The following NAALADL2 variants were observed in gnomAD, a reference collection of about 807,000 sequenced individuals.
NAALADL2 encodes inactive N-acetylated-alpha-linked acidic dipeptidase-like protein 2.
NAALADL2 carries 76 observed loss-of-function variants against 87.2 expected under a neutral mutation model. The ratio of observed to expected loss-of-function variants is 0.87; its 90% CI spans 0.72 to 1.05. The LOEUF (loss-of-function observed/expected upper bound fraction) is 1.05, where lower values mean the gene tolerates loss of function less well. Among genes scored for constraint, NAALADL2 ranks in the 50% least tolerant of loss-of-function variants. The pLI is 0.00. For missense variants in NAALADL2, 1,089 were observed against 945.8 expected, an observed-to-expected ratio of 1.15 and a Z score of -1.99; for synonymous variants, 354 against 331.0, an observed-to-expected ratio of 1.07 and a Z score of -0.75.
chr3:175,084,404 C>A (rs2108264827), intron 1 of NAALADL2, among the ~76,000 whole-genome samples: 1 of 152,278 alleles, frequency 6.6e-6, no homozygotes, highest in South Asian at 2.1e-4. Flanking sequence ...GTTTGGGTGT[C>A]TAGCTCTGCT....
At chr3:175,481,309 T>C (rs1274814170) in intron 9 of NAALADL2, among the ~76,000 whole-genome samples, 1 of 151,392 alleles carries the variant, frequency 6.6e-6, no homozygotes, top group Admixed American at 6.6e-5. Flanking sequence ...ATTTCAAAGA[T>C]TTCTTTGTCA....
intron 10 of NAALADL2, among the ~76,000 whole-genome samples, chr3:175,605,645 T>TTTTTTTTTTTG (rs1553931393): frequency 4.4e-3 from 147 of 33,164 alleles, no homozygotes; most frequent in African/African-American, 7.2e-3. Context: ...TGCTTGTTTT[T>TTTTTTTTTTTG]TTTTTTTTTT....
chr3:175,617,687 T>C lies in NAALADL2; in HGVS notation c.1801-9604T>C, dbSNP rs545354430. ...GCACTATCTGGTCCTATGGCCTGTT[T>C]CTGTAGCTTCCTCCTGATATCAAGG... On this transcript the variant is annotated intron_variant, in intron 10 of 13. Transcript: ENST00000454872. Among the ~76,000 whole-genome samples the C allele has an allele frequency of 4.6e-5, 7 of 152,316 alleles. No individual in the cohort carries two copies. The South Asian group carries it at 1.5e-3, about 32-fold the overall frequency.
rs767702254 is a variant in NAALADL2 at position 174,452,480 on chromosome 3, T to C, written c.-184+11448T>C. ...TGTGAATGAGGACAGATCTTGTTGCTGTCACCTTACAAAATGCTTTATCTG... is the reference window on the plus strand; with the variant it reads ...TGTGAATGAGGACAGATCTTGTTGCCGTCACCTTACAAAATGCTTTATCTG... On this transcript the variant is annotated intron_variant, in intron 1 of 3. Coordinates refer to the NAALADL2 transcript ENST00000434257. Among the ~76,000 whole-genome samples the C allele has an allele frequency of 1.6e-4, 24 of 152,144 alleles. 1 individual carries two copies. Among genetic ancestry groups the C allele is most frequent in the Admixed American group, 9.8e-4 (15 of 15,266 alleles).
In NAALADL2 at chr3:175,148,263, T is replaced by A. The variant is rs1202925569; in HGVS notation, c.545+50972T>A. 2.6e-5 allele frequency among the ~76,000 whole-genome samples: 4 copies of A among 151,904 alleles called. No individual in the cohort carries two copies. In the East Asian group the frequency reaches 7.7e-4, roughly 29 times the overall value. On this transcript the variant is annotated intron_variant, in intron 2 of 13. Transcript: ENST00000454872. ...TGTATGTCTTATTTTGAGAAGTGTCTGCTCATTTTTTGCCTACTTTTTAAT... is the reference window on the plus strand; with the variant it reads ...TGTATGTCTTATTTTGAGAAGTGTCAGCTCATTTTTTGCCTACTTTTTAAT...
At chr3:175,293,035 T>TGA (rs1755847893) in intron 4 of NAALADL2, among the ~76,000 whole-genome samples, 1 of 16,424 alleles carries the variant, frequency 6.1e-5, no homozygotes, top group Non-Finnish European at 9.0e-5. Context: ...AGACTCCGTC[T>TGA]CAAAAAAAAA....
At chr3:175,700,593 A>G (rs1738853939) in intron 11 of NAALADL2, among the ~76,000 whole-genome samples, 2 of 152,096 alleles carry the variant, frequency 1.3e-5, no homozygotes, top group Admixed American at 6.6e-5. Flanking sequence ...AGCTTTTACT[A>G]CCTGAAGTTG....
intron 1 of NAALADL2, among the ~76,000 whole-genome samples, chr3:175,008,862 A>G (rs1239929535): frequency 6.6e-6 from 1 of 152,190 alleles, no homozygotes; most frequent in Non-Finnish European, 1.5e-5. Flanking sequence ...ACAGTGAGCA[A>G]ACCGAGTACC....
At chr3:174,921,688 C>T (rs997177518) in intron 1 of NAALADL2, among the ~76,000 whole-genome samples, 15 of 151,318 alleles carry the variant, frequency 9.9e-5, no homozygotes, top group Admixed American at 9.9e-4. Context: ...GGCTGTAGTC[C>T]CAGCTACTTG....
intron 2 of NAALADL2, among the ~76,000 whole-genome samples, chr3:174,613,297 T>G (rs1367253186): frequency 1.3e-5 from 2 of 152,188 alleles, no homozygotes; most frequent in Non-Finnish European, 2.9e-5. Flanking sequence ...CTCTGTTTTC[T>G]CAAGGCCCTG....
chr3:175,590,979 A>G lies in NAALADL2; in HGVS notation c.1800+14792A>G, dbSNP rs182607680. 5.3e-5 allele frequency among the ~76,000 whole-genome samples: 8 copies of G among 152,042 alleles called. No homozygotes were observed. In the East Asian group the frequency reaches 1.6e-3, roughly 30 times the overall value. On this transcript the variant is annotated intron_variant, in intron 10 of 13. Transcript: ENST00000454872. ...TGATTAATGTTCCTGTCTAGTGGGC[A>G]TGCCACCCCTTCAAAATAGCTTGTG...
intron 11 of NAALADL2, among the ~76,000 whole-genome samples, chr3:175,736,138 A>G (rs1405224977): frequency 6.6e-6 from 1 of 152,202 alleles, no homozygotes; most frequent in Non-Finnish European, 1.5e-5. Context: ...TGAGATGTGT[A>G]TGAATGCATA....
At position 175,364,709 on chromosome 3, in the gene NAALADL2, CT is replaced by C. The variant is rs902774678; in HGVS notation, c.1090+40392del. 2.7e-5 allele frequency among the ~76,000 whole-genome samples: 4 copies of C among 146,726 alleles called. 1 individual carries two copies. The highest frequency in any genetic ancestry group is 7.0e-5 in the Admixed American group (1 of 14,202). Reference sequence around the variant, plus strand: ...CTCCATTTTTGAAGACAAAGAGACCCTTTTTTTTGAGTCAAGTATAAAATGG... The same window carrying C: ...CTCCATTTTTGAAGACAAAGAGACCCTTTTTTTGAGTCAAGTATAAAATGG... On this transcript the variant is annotated intron_variant, in intron 5 of 13. Coordinates refer to ENST00000454872, the MANE Select transcript of NAALADL2 (RefSeq NM_207015.3).
chr3:174,824,555 G>C (rs961183867), intron 3 of NAALADL2, among the ~76,000 whole-genome samples: 5 of 152,120 alleles, frequency 3.3e-5, no homozygotes, highest in African/African-American at 1.2e-4. Context: ...GTATTTACAA[G>C]ATTTTATATA....
At chr3:175,423,051 A>ATATATAT (rs1458599872) in intron 5 of NAALADL2, among the ~76,000 whole-genome samples, 98 of 91,494 alleles carry the variant, frequency 1.1e-3, no homozygotes, top group Non-Finnish European at 1.6e-3. Flanking sequence ...ATATATATAT[A>ATATATAT]TTTTTTTTTT....
At chr3:174,989,111 A>G (rs1217065305) in intron 1 of NAALADL2, among the ~76,000 whole-genome samples, 4 of 152,162 alleles carry the variant, frequency 2.6e-5, no homozygotes, top group African/African-American at 9.7e-5. Context: ...TCTCATAGGA[A>G]CTAATACAGT....
chr3:174,789,534 G>A (rs1165913259), intron 3 of NAALADL2, among the ~76,000 whole-genome samples: 7 of 152,176 alleles, frequency 4.6e-5, no homozygotes, highest in Non-Finnish European at 1.0e-4. Flanking sequence ...TAGAAATGGT[G>A]CTGAGGATTA....
intron 12 of NAALADL2, among the ~76,000 whole-genome samples, chr3:175,744,157 AC>A (rs994844806): frequency 3.3e-5 from 5 of 152,156 alleles, no homozygotes; most frequent in African/African-American, 1.2e-4. Flanking sequence ...GAAATTAATA[AC>A]CCTTTCTTTA....
intron 2 of NAALADL2, chr3:174,737,516 T>C (rs955399570): frequency 2.6e-5 from 4 of 152,232 alleles, no homozygotes; most frequent in African/African-American, 4.8e-5. Flanking sequence ...ATTTGTCTGC[T>C]TACAATAAAA....
Sources: gnomAD v4.1 joint callset for allele counts (sites outside exome capture counted in the v4.1 genomes callset) on GRCh38, gnomAD v4.1.1 for gene constraint, MANE v1.5 for transcripts, NCBI Gene and HGNC (gene_info 2026-07-23, HGNC 2026-07-21) for gene names.